ATP11C: variants seen among roughly 807,000 people sequenced by gnomAD.
The protein encoded by ATP11C is ATPase phospholipid transporting 11C (ATP11C blood group), also known as phospholipid-transporting ATPase IG.
In ATP11C, 36 loss-of-function variants were observed where a neutral mutation model predicts 97.4. That is an observed-to-expected ratio of 0.37 (90% CI 0.28 to 0.49). The LOEUF (loss-of-function observed/expected upper bound fraction) is 0.49, where lower values mean the gene tolerates loss of function less well. Among genes scored for constraint, ATP11C ranks in the 20% least tolerant of loss-of-function variants. ATP11C has a pLI of 0.98. For synonymous variants in ATP11C, 275 were observed against 290.9 expected, an observed-to-expected ratio of 0.95 and a Z score of 0.56; for missense variants, 730 against 824.6, an observed-to-expected ratio of 0.89 and a Z score of 1.40.
chrX:139,743,416 C>T (rs1005438852), intron 26 of ATP11C, 143 bp downstream of exon 26: 34 of 376,287 alleles, frequency 9.0e-5, no homozygotes, highest in Non-Finnish European at 1.3e-4. Context: ...GTATCATACA[C>T]ATTTTAGTAA....
intron 7 of ATP11C, among the ~76,000 whole-genome samples, chrX:139,801,805 T>A (rs1249013010): frequency 8.9e-6 from 1 of 111,913 alleles, no homozygotes; most frequent in Non-Finnish European, 1.9e-5. Context: ...CTATTTGCAA[T>A]CTTTAGTGCA....
intron 1 of ATP11C, among the ~76,000 whole-genome samples, chrX:139,868,140 G>T (rs2084314407): frequency 2.7e-5 from 3 of 111,402 alleles, no homozygotes; most frequent in Non-Finnish European, 3.8e-5. Flanking sequence ...CACCATACAT[G>T]AAAATCAACA....
chrX:139,911,698 T>TAC (rs1479816839), intron 1 of ATP11C, among the ~76,000 whole-genome samples: 2 of 110,489 alleles, frequency 1.8e-5, no homozygotes, highest in African/African-American at 3.3e-5. Flanking sequence ...CTTTAATAAA[T>TAC]ACACACACAC....
intron 1 of ATP11C, among the ~76,000 whole-genome samples, chrX:139,897,670 CAAAAAAA>C (rs750202200): frequency 3.9e-5 from 3 of 77,150 alleles, no homozygotes; most frequent in Non-Finnish European, 7.7e-5. Context: ...GACTCTGTCT[CAAAAAAA>C]AAAAAAAGAA....
chrX:139,758,393 C>CA (rs771758784), intron 22 of ATP11C, among the ~76,000 whole-genome samples: 1 of 111,430 alleles, frequency 9.0e-6, no homozygotes, highest in South Asian at 3.8e-4. Context: ...CAGATGATAA[C>CA]AAAAAAAGAG....
rs373306996 is a variant in ATP11C at position 139,915,445 on chromosome X, G to C, written c.27+16571C>G. 1.7e-4 allele frequency among the ~76,000 whole-genome samples: 19 copies of C among 110,843 alleles called. No homozygotes were observed. The East Asian group carries it at 4.8e-3, about 28-fold the overall frequency. Reference sequence around the variant, plus strand: ...AGCACTTTGGGAGGCCGAGGCAGGAGGATCAAATGAGGCCAGGAGTTTCAG... The same window carrying C: ...AGCACTTTGGGAGGCCGAGGCAGGACGATCAAATGAGGCCAGGAGTTTCAG... On this transcript the variant is annotated intron_variant, in intron 1 of 29. Transcript: ENST00000682941.
intron 1 of ATP11C, among the ~76,000 whole-genome samples, chrX:139,859,900 G>A (rs2084155322): frequency 2.4e-5 from 2 of 82,146 alleles, no homozygotes; most frequent in Admixed American, 1.4e-4. Flanking sequence ...AGGAGATCGA[G>A]ACCATCCCGG....
chrX:139,847,941 C>T (rs1258501821), intron 1 of ATP11C, among the ~76,000 whole-genome samples: 1 of 110,866 alleles, frequency 9.0e-6, no homozygotes, highest in Non-Finnish European at 1.9e-5. Context: ...TGGCATCATT[C>T]CTTTAGTTTG....
intron 5 of ATP11C, among the ~76,000 whole-genome samples, chrX:139,808,196 T>C (rs1409357359): frequency 9.0e-6 from 1 of 110,721 alleles, no homozygotes; most frequent in Non-Finnish European, 1.9e-5. Flanking sequence ...AAGTGATATA[T>C]AAACAGGAGA....
At chrX:139,795,509 T>C (rs1277977262) in intron 12 of ATP11C, among the ~76,000 whole-genome samples, 2 of 111,768 alleles carry the variant, frequency 1.8e-5, no homozygotes, top group Non-Finnish European at 1.9e-5. Context: ...TTCCACAGTC[T>C]TGACATTCTA....
chrX:139,906,158 T>C (rs994146908), intron 1 of ATP11C, among the ~76,000 whole-genome samples: 26 of 110,009 alleles, frequency 2.4e-4, no homozygotes, highest in African/African-American at 8.6e-4. Flanking sequence ...TCTCAGCACT[T>C]TGGGAGGCTG....
intron 5 of ATP11C, 33 bp downstream of exon 5, chrX:139,814,845 C>A (rs748778253): frequency 1.6e-5 from 14 of 853,135 alleles, no homozygotes; most frequent in Non-Finnish European, 1.7e-5. Context: ...TGTATTTTTA[C>A]CATTAAAAAA....
chrX:139,803,685 C>CTT (rs140315105), intron 6 of ATP11C, among the ~76,000 whole-genome samples: 532 of 38,257 alleles, frequency 0.014, 109 homozygotes, highest in African/African-American at 0.03. Context: ...TACACCCTAT[C>CTT]TTTTTTTTTT....
intron 1 of ATP11C, among the ~76,000 whole-genome samples, chrX:139,906,685 G>C (rs762907330): frequency 9.1e-6 from 1 of 109,540 alleles, no homozygotes; most frequent in Non-Finnish European, 1.9e-5. Context: ...AGGAGGCTGA[G>C]GCAGGAGAAT....
chrX:139,736,571 C>G (rs1356798002), intron 28 of ATP11C, among the ~76,000 whole-genome samples: 1 of 111,676 alleles, frequency 9.0e-6, no homozygotes, highest in African/African-American at 3.2e-5. Context: ...TTGAGACATT[C>G]TGGGTGGAGT....
intron 28 of ATP11C, among the ~76,000 whole-genome samples, chrX:139,734,149 C>A (rs1260499636): frequency 9.0e-6 from 1 of 111,596 alleles, no homozygotes; most frequent in Non-Finnish European, 1.9e-5. Flanking sequence ...ATCCAGCTAA[C>A]AGGGCTATTG....
intron 22 of ATP11C, among the ~76,000 whole-genome samples, chrX:139,761,563 C>CAA (rs1348104634): frequency 9.0e-6 from 1 of 110,772 alleles, no homozygotes; most frequent in Admixed American, 9.6e-5. Flanking sequence ...ATCCTGACCT[C>CAA]AAGTGATCCT....
At chrX:139,866,575 G>A (rs910660108) in intron 1 of ATP11C, among the ~76,000 whole-genome samples, 20 of 109,433 alleles carry the variant, frequency 1.8e-4, no homozygotes, top group Admixed American at 1.3e-3. Context: ...ACAAGTAGCC[G>A]GACATGGTGG....
chrX:139,890,614 T>C (rs376503219), intron 1 of ATP11C, among the ~76,000 whole-genome samples: 40 of 112,036 alleles, frequency 3.6e-4, no homozygotes, highest in Admixed American at 2.9e-3. Flanking sequence ...AAACAGACTA[T>C]AGAAACTTGT....
Sources: gnomAD v4.1 joint callset for allele counts (sites outside exome capture counted in the v4.1 genomes callset) on GRCh38, gnomAD v4.1.1 for gene constraint, MANE v1.5 for transcripts, NCBI Gene and HGNC (gene_info 2026-07-23, HGNC 2026-07-21) for gene names.